Variants in TAF4 observed in about 807,000 individuals in gnomAD.
TAF4 encodes the protein transcription initiation factor TFIID subunit 4.
TAF4 carries 9 observed loss-of-function variants against 90.3 expected under a neutral mutation model. The ratio of observed to expected loss-of-function variants is 0.10; its 90% confidence interval spans 0.06 to 0.17. The LOEUF (loss-of-function observed/expected upper bound fraction) is 0.17. Among genes scored for constraint, TAF4 ranks in the 10% least tolerant of loss-of-function variants. The pLI, the probability that TAF4 is intolerant of heterozygous loss-of-function variation, is 1.00. For missense variants in TAF4, 1,351 were observed against 1,370.7 expected, an observed-to-expected ratio of 0.99 and a Z score of 0.23; for synonymous variants, 818 against 638.9, an observed-to-expected ratio of 1.28 and a Z score of -4.23.
chr20:62,036,125 G>C (rs2055931429), intron 1 of TAF4, among the ~76,000 whole-genome samples: 1 of 151,952 alleles, frequency 6.6e-6, no homozygotes, highest in South Asian at 2.1e-4. Context: ...ACGGGTTCAA[G>C]CGATTCTCCT....
At chr20:62,037,949 T>C (rs905728389) in intron 1 of TAF4, 1 of 185,220 alleles carries the variant, frequency 5.4e-6, no homozygotes. Flanking sequence ...AAGTGACTAA[T>C]GAACCATTTT....
At position 62,010,512 on chromosome 20, in the gene TAF4, A is replaced by G. The variant is rs956448052; in HGVS notation, c.1642-347T>C. ...AGTAAATAATCCTAACAGGCAACCC[A>G]GATCCCCATCTCTCAGAAATCAAAA... On this transcript the variant is annotated intron_variant, in intron 3 of 14. Transcript: ENST00000252996. This position sits in a 1 kb window ranked among gnomAD's most constrained non-coding sequence, Gnocchi z 4.5. 6.6e-6 allele frequency among the ~76,000 whole-genome samples: 1 copy of G among 152,164 alleles called. No individual in the cohort carries two copies.
chr20:61,994,694 G>A (rs1345680132), intron 14 of TAF4, among the ~76,000 whole-genome samples: 1 of 152,200 alleles, frequency 6.6e-6, no homozygotes, highest in Non-Finnish European at 1.5e-5. Context: ...TCCTGGTGGG[G>A]AGGGGGAGCT....
At chr20:62,054,091 C>A (rs552086622) in intron 1 of TAF4, among the ~76,000 whole-genome samples, 1 of 152,380 alleles carries the variant, frequency 6.6e-6, no homozygotes, top group South Asian at 2.1e-4. Context: ...CCTCACCATG[C>A]ACTCAGGATA....
chr20:61,996,822 G>C (rs927353782), intron 14 of TAF4, among the ~76,000 whole-genome samples: 43 of 151,072 alleles, frequency 2.8e-4, no homozygotes, highest in African/African-American at 8.0e-4. Flanking sequence ...AAGAGAATGA[G>C]GGTGAAATAC....
Position 62,065,536 on chromosome 20 carries a change from G to C in TAF4, c.275C>G (p.Ala92Gly). 1 of 977,938 alleles carries C rather than the reference G, an allele frequency of 1.0e-6. No individual in the cohort carries two copies. Among genetic ancestry groups the C allele is most frequent in the Non-Finnish European group, 1.2e-6 (1 of 826,598 alleles). 60.6% of individuals were successfully genotyped at this position (977,938 alleles called of 1,614,324 possible). Reference protein sequence around the residue: ...APGAAPEPPPAGRARPGGGGP... With the variant: ...APGAAPEPPPGGRARPGGGGP... ...CCCGCCCCCCGGCCGCGCTCTACCT[G>C]CGGGGGGCGGCTCCGGCGCCGCTCC... is the stretch of plus-strand genomic sequence containing the variant. The change falls in exon 1 of 15, where the codon GCA becomes GGA. Residue 92 changes from alanine to glycine, a missense_variant. Physicochemically the swap from Ala to Gly is moderately conservative, Grantham distance 60. This residue lies in a region of TAF4 where 782 missense variants were observed against 536.6 expected (regional missense o/e 1.46). Transcript: ENST00000252996.
At chr20:62,040,806 C>T (rs530349842) in intron 1 of TAF4, among the ~76,000 whole-genome samples, 9 of 152,338 alleles carry the variant, frequency 5.9e-5, no homozygotes, top group Admixed American at 2.0e-4. Flanking sequence ...TCACACCTTC[C>T]GTACGACTCA....
intron 1 of TAF4, among the ~76,000 whole-genome samples, chr20:62,017,633 C>T (rs567053839): frequency 9.6e-4 from 146 of 152,138 alleles, no homozygotes; most frequent in African/African-American, 2.7e-3. Flanking sequence ...GGCGACAGAG[C>T]GAGACTCCGT....
At chr20:62,056,440 G>A (rs1053688489) in intron 1 of TAF4, among the ~76,000 whole-genome samples, 1 of 152,126 alleles carries the variant, frequency 6.6e-6, no homozygotes, top group African/African-American at 2.4e-5. Flanking sequence ...CTGGTGGAAG[G>A]TGATATGTAT....
intron 6 of TAF4, 71 bp downstream of exon 6, chr20:62,007,476 A>G (rs8126290): frequency 0.035 from 51,427 of 1,463,220 alleles, 4,859 homozygotes; most frequent in African/African-American, 0.35. Context: ...CTCGCCCTGC[A>G]CACTTGGTGC....
At chr20:61,980,558 A>C (rs1254103464) in intron 14 of TAF4, 1 of 152,356 alleles carries the variant, frequency 6.6e-6, no homozygotes, top group Admixed American at 6.5e-5. Flanking sequence ...ACACAAGGCC[A>C]GGTCACTGGC....
intron 1 of TAF4, among the ~76,000 whole-genome samples, chr20:62,047,360 CT>C (rs2055999410): frequency 6.6e-6 from 1 of 152,110 alleles, no homozygotes; most frequent in Non-Finnish European, 1.5e-5. Flanking sequence ...TAGAAACATT[CT>C]TTTTTTCTGA....
intron 1 of TAF4, among the ~76,000 whole-genome samples, chr20:62,026,375 C>T (rs898727109): frequency 1.3e-5 from 2 of 152,320 alleles, no homozygotes; most frequent in African/African-American, 2.4e-5. Context: ...GAGTATCTCA[C>T]TGAGTAGCTC....
At chr20:62,044,073 T>A (rs1457804037) in intron 1 of TAF4, among the ~76,000 whole-genome samples, 1 of 152,242 alleles carries the variant, frequency 6.6e-6, no homozygotes, top group African/African-American at 2.4e-5. Flanking sequence ...CAGAGCTAAC[T>A]TGTGCTTATT....
intron 1 of TAF4, among the ~76,000 whole-genome samples, chr20:62,039,726 G>A (rs2145501384): frequency 6.6e-6 from 1 of 152,248 alleles, no homozygotes; most frequent in South Asian, 2.1e-4. Flanking sequence ...CAAGAAAATA[G>A]TTACAGAACA....
At chr20:62,057,601 GC>G (rs1339399842) in intron 1 of TAF4, among the ~76,000 whole-genome samples, 5 of 152,066 alleles carry the variant, frequency 3.3e-5, no homozygotes, top group Non-Finnish European at 5.9e-5. Context: ...GACACAAAGG[GC>G]CCAGCAAGAC....
At position 61,991,939 on chromosome 20, in the gene TAF4, A is replaced by G. The variant is rs1433216046; in HGVS notation, c.3090+5611T>C. Among the ~76,000 whole-genome samples, 3 of 152,306 alleles carry G rather than the reference A, an allele frequency of 2.0e-5. No homozygotes were observed. In the East Asian group the frequency reaches 5.8e-4, roughly 29 times the overall value. Reference sequence around the variant, plus strand: ...AATGAGGCTCTCATTAGATTTGGACAGTAACACTTTAGGGAGGAAATAATC... The same window carrying G: ...AATGAGGCTCTCATTAGATTTGGACGGTAACACTTTAGGGAGGAAATAATC... On this transcript the variant is annotated intron_variant, in intron 14 of 14. Transcript: ENST00000252996.
intron 1 of TAF4, among the ~76,000 whole-genome samples, chr20:62,036,225 A>G (rs946604989): frequency 3.3e-5 from 5 of 152,176 alleles, no homozygotes; most frequent in African/African-American, 1.2e-4. Context: ...GAGTTTCACC[A>G]TGTTGGCCAG....
chr20:61,998,068 C>G, intron 13 of TAF4, 68 bp downstream of exon 13: 9 of 1,467,286 alleles, frequency 6.1e-6, no homozygotes, highest in Non-Finnish European at 8.4e-6. Context: ...TTTCCTTAGC[C>G]CCCCTCCCGT....
Sources: gnomAD v4.1 joint callset for allele counts (sites outside exome capture counted in the v4.1 genomes callset) on GRCh38, gnomAD v4.1.1 for gene constraint, gnomAD v4.1.1 regional missense constraint, Gnocchi (gnomAD v3.1) non-coding constraint, MANE v1.5 for transcripts, NCBI Gene and HGNC (gene_info 2026-07-23, HGNC 2026-07-21) for gene names.